The following CACNA2D3 variants were observed in gnomAD, a reference collection of about 807,000 sequenced individuals.
CACNA2D3 encodes the protein voltage-dependent calcium channel subunit alpha-2/delta-3.
A neutral mutation model predicts 160.6 loss-of-function variants in CACNA2D3; 60 were observed. That is an observed-to-expected ratio of 0.37 (90% CI 0.30 to 0.46). CACNA2D3 has a LOEUF of 0.46. CACNA2D3 is among the 20% of genes least tolerant of loss of function. The probability of loss-of-function intolerance (pLI) is 1.00; values close to 1 mark genes in which losing one functional copy is unlikely to be tolerated. For synonymous variants in CACNA2D3, 558 were observed against 492.9 expected (o/e 1.13, Z -1.75); for missense variants, 1,205 against 1,365.0 (o/e 0.88, Z 1.85).
chr3:54,579,765 T>A (rs1702644054), intron 8 of CACNA2D3, among the ~76,000 whole-genome samples: 1 of 152,230 alleles, frequency 6.6e-6, no homozygotes. Context: ...TCCTTCATAT[T>A]GAACTCTGCA....
chr3:54,208,684 G>A (rs1317960610), intron 2 of CACNA2D3, among the ~76,000 whole-genome samples: 1 of 152,020 alleles, frequency 6.6e-6, no homozygotes, highest in Non-Finnish European at 1.5e-5. Context: ...ATCCAGTTCT[G>A]GTCTATATGG....
intron 6 of CACNA2D3, among the ~76,000 whole-genome samples, chr3:54,565,787 T>C (rs17054142): frequency 0.14 from 20,993 of 152,140 alleles, 1,591 homozygotes; most frequent in South Asian, 0.26. Flanking sequence ...AGGGCTTGCA[T>C]TGCAAAAAGG....
chr3:55,058,535 C>T (rs1489806325), intron 35 of CACNA2D3, among the ~76,000 whole-genome samples: 1 of 151,970 alleles, frequency 6.6e-6, no homozygotes, highest in Non-Finnish European at 1.5e-5. Flanking sequence ...AAAAGTTTCA[C>T]TCCGGTTTTA....
intron 11 of CACNA2D3, among the ~76,000 whole-genome samples, chr3:54,736,076 T>TAA (rs368829174): frequency 2.6e-5 from 1 of 38,212 alleles, no homozygotes; most frequent in Admixed American, 3.3e-4. Context: ...TATATATACA[T>TAA]ATATATGTAT....
Position 54,570,028 on chromosome 3 carries a change from G to C in CACNA2D3, c.812G>C (p.Arg271Pro). Residue 271 changes from arginine to proline, a missense_variant, in exon 8 of 38, where the codon CGT becomes CCT. This residue lies in a region of CACNA2D3 where 131 missense variants were observed against 201.5 expected (regional missense o/e 0.65). Coordinates refer to ENST00000474759, the MANE Select transcript of CACNA2D3 (RefSeq NM_018398.3). Reference protein sequence around the residue: ...VDVSGSMKGLRLTIAKQTVSS... With the variant: ...VDVSGSMKGLPLTIAKQTVSS... ...GTCAGTGGCAGCATGAAAGGACTCCGTCTGACTATCGCGAAGCAAACAGTC... is the reference window on the plus strand; with the variant it reads ...GTCAGTGGCAGCATGAAAGGACTCCCTCTGACTATCGCGAAGCAAACAGTC... The C allele has an allele frequency of 6.2e-7, 1 of 1,613,988 alleles. No individual in the cohort carries two copies. Among genetic ancestry groups the C allele is most frequent in the Non-Finnish European group, 8.5e-7 (1 of 1,179,852 alleles).
intron 27 of CACNA2D3, among the ~76,000 whole-genome samples, chr3:54,964,674 A>C (rs1256283905): frequency 6.6e-6 from 1 of 152,138 alleles, no homozygotes; most frequent in Admixed American, 6.5e-5. Flanking sequence ...GTGGACCAAA[A>C]CTAAGGAAAA....
At chr3:54,712,196 G>A (rs1169165357) in intron 11 of CACNA2D3, among the ~76,000 whole-genome samples, 2 of 152,150 alleles carry the variant, frequency 1.3e-5, no homozygotes, top group Non-Finnish European at 2.9e-5. Flanking sequence ...TCCTGTTTAT[G>A]TTGTAACAAA....
intron 27 of CACNA2D3, among the ~76,000 whole-genome samples, chr3:54,930,249 C>T (rs906687086): frequency 6.6e-6 from 1 of 152,170 alleles, no homozygotes; most frequent in Non-Finnish European, 1.5e-5. Context: ...CACCCACCCT[C>T]AACTCCCACC....
intron 34 of CACNA2D3, among the ~76,000 whole-genome samples, chr3:55,011,965 G>T (rs192543866): frequency 8.7e-4 from 132 of 152,266 alleles, no homozygotes; most frequent in African/African-American, 3.1e-3. Flanking sequence ...TAGAGCCCAG[G>T]AAAATGAGTT....
At chr3:54,385,247 C>G (rs902103665) in intron 3 of CACNA2D3, among the ~76,000 whole-genome samples, 1 of 152,178 alleles carries the variant, frequency 6.6e-6, no homozygotes, top group South Asian at 2.1e-4. Flanking sequence ...TACAATTTCC[C>G]AGGTGAAACT....
intron 3 of CACNA2D3, 107 bp downstream of exon 3, chr3:54,320,665 C>G (rs548268124): frequency 3.6e-6 from 2 of 561,654 alleles, no homozygotes; most frequent in East Asian, 6.5e-5. Context: ...ACTCACGCAT[C>G]TATTACGTAA....
chr3:54,924,905 G>A lies in CACNA2D3; in HGVS notation c.2449+25037G>A, dbSNP rs754663888. On this transcript the variant is annotated intron_variant, in intron 27 of 37. Coordinates refer to ENST00000474759, the MANE Select transcript of CACNA2D3 (RefSeq NM_018398.3). ...TTTCCAGGGAAAGGAGTGAATTCTG[G>A]GTTAGATTTAAAACCTGCAAGTGCT... is the stretch of plus-strand genomic sequence containing the variant. 9.3e-6 allele frequency: 15 copies of A among 1,613,584 alleles called. No individual in the cohort carries two copies. In the East Asian group the frequency reaches 3.3e-4, roughly 36 times the overall value.
intron 27 of CACNA2D3, chr3:54,925,281 G>C (rs1049684424): frequency 2.2e-6 from 3 of 1,337,392 alleles, no homozygotes; most frequent in Non-Finnish European, 3.1e-6. Flanking sequence ...GCACTTTTCC[G>C]CCTTTGAATT....
intron 5 of CACNA2D3, among the ~76,000 whole-genome samples, chr3:54,523,493 T>C (rs973806481): frequency 2.6e-5 from 4 of 152,168 alleles, no homozygotes; most frequent in African/African-American, 4.8e-5. Context: ...CTCTATAGTT[T>C]TCTTGTGATG....
Position 54,982,791 on chromosome 3 carries a change from C to G in CACNA2D3, c.2557-1817C>G, listed in dbSNP as rs530008948. Among the ~76,000 whole-genome samples, 5 of 151,432 alleles carry G rather than the reference C, an allele frequency of 3.3e-5. No individual in the cohort carries two copies. In the South Asian group the frequency reaches 1.0e-3, roughly 32 times the overall value. On this transcript the variant is annotated intron_variant, in intron 29 of 37. Transcript: ENST00000474759. ...CCTTTTTAGACCAATAGGGTAACTT[C>G]TTGACATTGCCGTGACATTTCTATA...
intron 35 of CACNA2D3, among the ~76,000 whole-genome samples, chr3:55,030,293 C>A (rs58966368): frequency 0.018 from 2,806 of 152,248 alleles, 92 homozygotes; most frequent in African/African-American, 0.064. Context: ...AAACCAATTT[C>A]TTTCCAGCAT....
intron 4 of CACNA2D3, among the ~76,000 whole-genome samples, chr3:54,416,742 A>G (rs1051754580): frequency 1.3e-5 from 2 of 152,182 alleles, no homozygotes; most frequent in African/African-American, 4.8e-5. Flanking sequence ...TTCCTCATCT[A>G]GATGATATTT....
At chr3:54,975,463 G>A (rs1702366681) in intron 29 of CACNA2D3, among the ~76,000 whole-genome samples, 1 of 145,328 alleles carries the variant, frequency 6.9e-6, no homozygotes, top group Admixed American at 7.2e-5. Context: ...AGGTTGCAGT[G>A]AGCTAACATC....
At chr3:54,608,606 A>C (rs1698684701) in intron 9 of CACNA2D3, among the ~76,000 whole-genome samples, 1 of 152,216 alleles carries the variant, frequency 6.6e-6, no homozygotes, top group Non-Finnish European at 1.5e-5. Flanking sequence ...TTGAGATAAC[A>C]AAGACTGGTG....
Sources: allele counts gnomAD v4.1 joint callset (sites outside exome capture counted in the v4.1 genomes callset), GRCh38; gene constraint gnomAD v4.1.1; regional missense constraint gnomAD v4.1.1; transcripts MANE v1.5; gene names NCBI Gene and HGNC (gene_info 2026-07-23, HGNC 2026-07-21).